TOP1MT: variants seen among roughly 807,000 people sequenced by gnomAD.
TOP1MT encodes the protein DNA topoisomerase I mitochondrial.
Under a neutral mutation model 73.9 loss-of-function variants are expected in TOP1MT, and 80 were observed. The observed-to-expected ratio is 1.08, with a 90% CI of 0.90 to 1.30. TOP1MT has a LOEUF of 1.30. TOP1MT is among the 50% of genes most tolerant of loss of function. The probability of loss-of-function intolerance (pLI) is 0.00; values close to 1 mark genes in which losing one functional copy is unlikely to be tolerated. For synonymous variants in TOP1MT, 338 were observed against 326.4 expected (o/e 1.04, Z -0.38); for missense variants, 815 against 808.0 (o/e 1.01, Z -0.10).
At chr8:143,332,606 G>A (rs778029281) in intron 1 of TOP1MT, 1 of 1,280,394 alleles carries the variant, frequency 7.8e-7, no homozygotes, top group South Asian at 1.2e-5. Flanking sequence ...AAGGGTCTGA[G>A]AGGGGAAAGC....
rs768255191 is a variant in TOP1MT at position 143,329,335 on chromosome 8, G to A, written c.360+15C>T. ...CAGGTCCAGGACAGCTGTGGCGGCC[G>A]CCCAGGGTACCTACCTTTCGCCAGT... On this transcript the variant is annotated intron_variant, in intron 3 of 13. Transcript: ENST00000329245. The A allele has an allele frequency of 5.7e-6, 9 of 1,590,156 alleles. No individual in the cohort carries two copies. The highest frequency in any genetic ancestry group is 2.4e-5 in the East Asian group (1 of 42,462).
intron 4 of TOP1MT, 93 bp downstream of exon 4, chr8:143,326,129 C>G: frequency 6.9e-7 from 1 of 1,450,778 alleles, no homozygotes; most frequent in Non-Finnish European, 9.3e-7. Flanking sequence ...AGGGGCTTCT[C>G]TAAGGCCACA....
chr8:143,320,506 A>T (rs1816301559), intron 8 of TOP1MT, among the ~76,000 whole-genome samples: 1 of 152,036 alleles, frequency 6.6e-6, no homozygotes, highest in Non-Finnish European at 1.5e-5. Flanking sequence ...GGCTCAAGTG[A>T]TCCTCCCACC....
chr8:143,353,567 C>A (rs1028087792), intron 1 of TOP1MT, among the ~76,000 whole-genome samples: 3 of 152,162 alleles, frequency 2.0e-5, no homozygotes, highest in Non-Finnish European at 4.4e-5. Context: ...TGAGTTACCA[C>A]TTTACATCAA....
chr8:143,315,092 C>A (rs1018931306), intron 12 of TOP1MT, among the ~76,000 whole-genome samples: 1 of 152,032 alleles, frequency 6.6e-6, no homozygotes, highest in East Asian at 1.9e-4. Context: ...ACTTAGCAGA[C>A]CGGGAAAGGG....
At chr8:143,318,128 G>A (rs754280025) in intron 8 of TOP1MT, 42 bp from the exon 9 acceptor site, 38 of 1,591,606 alleles carry the variant, frequency 2.4e-5, no homozygotes, top group Admixed American at 3.3e-5. Context: ...GAAAAAACCC[G>A]AATCCAGTGA....
intron 2 of TOP1MT, among the ~76,000 whole-genome samples, chr8:143,343,030 G>A (rs975918306): frequency 6.6e-6 from 1 of 152,000 alleles, no homozygotes; most frequent in Non-Finnish European, 1.5e-5. Flanking sequence ...CAAAGTGCTA[G>A]GATTATAGGC....
upstream of TOP1MT, among the ~76,000 whole-genome samples, chr8:143,348,069 G>C (rs979217602): frequency 6.6e-6 from 1 of 152,166 alleles, no homozygotes; most frequent in African/African-American, 2.4e-5. The surrounding 1 kb of genome is among the most constrained non-coding windows in gnomAD (Gnocchi z 4.6). Flanking sequence ...GCCTCCTTCT[G>C]TGCTAAGAGT....
chr8:143,338,167 G>T (rs555502137), upstream of TOP1MT, among the ~76,000 whole-genome samples: 1 of 152,262 alleles, frequency 6.6e-6, no homozygotes, highest in East Asian at 1.9e-4. Flanking sequence ...AGCTACTCAG[G>T]GGGCTGAGTG....
intron 2 of TOP1MT, among the ~76,000 whole-genome samples, chr8:143,342,848 G>T (rs1301035232): frequency 3.4e-5 from 5 of 148,440 alleles, no homozygotes; most frequent in African/African-American, 1.0e-4. Flanking sequence ...GCAGTGGCGT[G>T]ATCTCGGCTC....
rs567523602 is a variant in TOP1MT, at chr8:143,324,826, G to A, written c.672-197C>T. Among the ~76,000 whole-genome samples, 31 of 152,314 alleles carry A rather than the reference G, an allele frequency of 2.0e-4. No individual in the cohort carries two copies. In the South Asian group the frequency reaches 6.4e-3, roughly 32 times the overall value. On this transcript the variant is annotated intron_variant, in intron 5 of 13. Coordinates refer to ENST00000329245, the MANE Select transcript of TOP1MT (RefSeq NM_052963.3). ...CTCAATCTACCCTCTGCACACACAG[G>A]AAGGCCACAGTGCACCAGGAGGCTG...
chr8:143,313,871 AAAAG>A (rs1290305171), intron 12 of TOP1MT, among the ~76,000 whole-genome samples: 2 of 151,842 alleles, frequency 1.3e-5, no homozygotes, highest in African/African-American at 2.4e-5. Context: ...AAAAAAAAAA[AAAAG>A]AAAGAACAAA....
chr8:143,332,729 G>T (rs2130339603), intron 1 of TOP1MT: 3 of 453,722 alleles, frequency 6.6e-6, no homozygotes, highest in South Asian at 5.5e-5. Context: ...AAGTTAACGG[G>T]CTCAAGAACC....
At chr8:143,315,890 C>T in intron 11 of TOP1MT, 69 bp from the exon 12 acceptor site, 1 of 1,605,484 alleles carries the variant, frequency 6.2e-7, no homozygotes, top group Non-Finnish European at 8.5e-7. Flanking sequence ...CCACACCCTT[C>T]CACACCCTAC....
At chr8:143,351,392 G>A (rs1466381855) in intron 1 of TOP1MT, among the ~76,000 whole-genome samples, 1 of 151,996 alleles carries the variant, frequency 6.6e-6, no homozygotes, top group Non-Finnish European at 1.5e-5. Flanking sequence ...AGCCAACATG[G>A]CGAAACCCTG....
At chr8:143,338,892 T>C (rs1817026821), upstream of TOP1MT, among the ~76,000 whole-genome samples, 1 of 152,216 alleles carries the variant, frequency 6.6e-6, no homozygotes, top group Non-Finnish European at 1.5e-5. Flanking sequence ...TTGTGCCCTC[T>C]TCTTCCCCAG....
intron 9 of TOP1MT, 84 bp from the exon 10 acceptor site, chr8:143,317,921 G>T: frequency 6.3e-7 from 1 of 1,587,798 alleles, no homozygotes; most frequent in Non-Finnish European, 8.6e-7. Flanking sequence ...CATGTCAGCC[G>T]TTGGGTCAGG....
At chr8:143,313,040 A>T (rs1816053579) in intron 12 of TOP1MT, among the ~76,000 whole-genome samples, 1 of 152,316 alleles carries the variant, frequency 6.6e-6, no homozygotes, top group African/African-American at 2.4e-5. Context: ...ATGCTGAGAC[A>T]TCTGGCTGTC....
At chr8:143,347,177 T>C (rs1284915891), upstream of TOP1MT, among the ~76,000 whole-genome samples, 2 of 151,632 alleles carry the variant, frequency 1.3e-5, no homozygotes, top group Non-Finnish European at 2.9e-5. Context: ...GTTTTTGAGA[T>C]GGAGTCTCAC....
Sources: gnomAD v4.1 joint callset for allele counts (sites outside exome capture counted in the v4.1 genomes callset) on GRCh38, gnomAD v4.1.1 for gene constraint, Gnocchi (gnomAD v3.1) non-coding constraint, MANE v1.5 for transcripts, NCBI Gene and HGNC (gene_info 2026-07-23, HGNC 2026-07-21) for gene names.